NOL12: variants seen among roughly 807,000 people sequenced by gnomAD.
NOL12 encodes nucleolar protein 12.
NOL12 carries 21 observed loss-of-function variants against 25.2 expected under a neutral mutation model. That is an observed-to-expected ratio of 0.83 (90% CI 0.59 to 1.20). The LOEUF (loss-of-function observed/expected upper bound fraction) is 1.20, where lower values mean the gene tolerates loss of function less well. Among genes scored for constraint, NOL12 ranks in the 50% most tolerant of loss-of-function variants. NOL12 has a pLI of 0.00. For missense variants in NOL12, 286 were observed against 287.6 expected (o/e 0.99, Z 0.04); for synonymous variants, 133 against 113.8 (o/e 1.17, Z -1.08).
intron 1 of NOL12, 58 bp from the exon 2 acceptor site, chr22:37,687,852 C>A: frequency 1.5e-6 from 2 of 1,338,552 alleles, no homozygotes; most frequent in Non-Finnish European, 1.0e-6. Flanking sequence ...TCTCCTAGAG[C>A]GAGCCCTTCT....
chr22:37,687,534 T>C (rs1921875266), intron 1 of NOL12, among the ~76,000 whole-genome samples: 1 of 152,124 alleles, frequency 6.6e-6, no homozygotes, highest in Non-Finnish European at 1.5e-5. Context: ...CTCGGCTCAC[T>C]GCAACCTCCG....
chr22:37,686,795 G>A, intron 1 of NOL12: 1 of 985,444 alleles, frequency 1.0e-6, no homozygotes, highest in Non-Finnish European at 1.2e-6. Context: ...AGCCGTGGTT[G>A]ATAAATGATG....
chr22:37,692,672 C>T lies in NOL12; in HGVS notation c.*1336C>T, dbSNP rs148878110. 4.3e-5 allele frequency: 17 copies of T among 398,902 alleles called. No individual in the cohort carries two copies. Among genetic ancestry groups the T allele is most frequent in the Non-Finnish European group, 6.6e-5 (15 of 226,288 alleles). The allele number at this position is 398,902 out of a possible 1,614,324, so 24.7% of individuals were successfully genotyped here. On this transcript the variant is annotated 3_prime_UTR_variant, in exon 6 of 6. Transcript: ENST00000359114. The stretch of plus-strand genomic sequence containing the variant: ...ATGGAGTCAGGATGACAGGACAGTG[C>T]GGTGAGGGGCATCTGCGACAGGACT...
chr22:37,689,097 G>A, intron 4 of NOL12, 105 bp downstream of exon 4: 1 of 1,364,524 alleles, frequency 7.3e-7, no homozygotes, highest in Non-Finnish European at 1.0e-6. Flanking sequence ...TGCCAGCCCT[G>A]GGAAGAAGGG....
chr22:37,690,747 A>G lies in NOL12; in HGVS notation c.432A>G (p.Pro144=). 1 of 1,613,968 alleles carries G rather than the reference A, an allele frequency of 6.2e-7. No individual in the cohort carries two copies. The highest frequency in any genetic ancestry group is 8.5e-7 in the Non-Finnish European group (1 of 1,179,924). ...AGGAGGCGTCATCCACGGAGAAACC[A>G]ACCAAAGCCTTGCCCAGGAAGTCCA... ...SEEEASSTEK[P]TKALPRKSRD... The change falls in exon 5 of 6, where the codon CCA becomes CCG. Residue 144 remains proline, a synonymous_variant. Transcript: ENST00000359114.
At position 37,691,481 on chromosome 22, in the gene NOL12, C is replaced by G. The variant is rs1209571385; in HGVS notation, c.*145C>G. ...CAGGACCTCTCTGGCCTGGGGCCAG[C>G]TGCCTTTGCCTGGGGTCAGCTGCCT... is the stretch of plus-strand genomic sequence containing the variant. On this transcript the variant is annotated 3_prime_UTR_variant, in exon 6 of 6. Coordinates refer to ENST00000359114, the MANE Select transcript of NOL12 (RefSeq NM_024313.3). 1 of 362,406 alleles carries G rather than the reference C, an allele frequency of 2.8e-6. No individual in the cohort carries two copies. The highest frequency in any genetic ancestry group is 3.7e-6 in the Non-Finnish European group (1 of 271,658). The allele number at this position is 362,406 out of a possible 1,614,324, so 22.4% of individuals were successfully genotyped here.
intron 4 of NOL12, 37 bp from the exon 5 acceptor site, chr22:37,690,660 A>G (rs1199472469): frequency 5.9e-6 from 9 of 1,520,628 alleles, no homozygotes; most frequent in South Asian, 4.6e-5. Flanking sequence ...CCCCCCAGCT[A>G]CTGCTCCATG....
Position 37,691,976 on chromosome 22 carries a change from T to C in NOL12, c.*640T>C, listed in dbSNP as rs148781622. ...GTGGAAGCAGTTGAGTGCCAGGTCA[T>C]CCCCCATCACCACACTGGGGCAGCG... On this transcript the variant is annotated 3_prime_UTR_variant, in exon 6 of 6. Transcript: ENST00000359114. 1.1e-3 allele frequency: 171 copies of C among 152,550 alleles called. No homozygotes were observed. Among genetic ancestry groups the C allele is most frequent in the African/African-American group, 4.0e-3 (166 of 41,562 alleles). 9.4% of individuals were successfully genotyped at this position (152,550 alleles called of 1,614,324 possible).
At position 37,692,469 on chromosome 22, in the gene NOL12, T is replaced by A; in HGVS notation, c.*1133T>A. On this transcript the variant is annotated 3_prime_UTR_variant, in exon 6 of 6. Coordinates refer to ENST00000359114, the MANE Select transcript of NOL12 (RefSeq NM_024313.3). The stretch of plus-strand genomic sequence containing the variant: ...TCCACAAGGGGCCATGTCTTCACAC[T>A]CCTTCCAGATGGATGAGTTGATGGA... The A allele has an allele frequency of 2.5e-6, 1 of 398,662 alleles. No individual in the cohort carries two copies. Among genetic ancestry groups the A allele is most frequent in the Non-Finnish European group, 4.4e-6 (1 of 226,100 alleles). The allele number at this position is 398,662 out of a possible 1,614,324, so 24.7% of individuals were successfully genotyped here.
In NOL12 at chr22:37,688,843, C is replaced by T; in HGVS notation, c.239-7C>T. On this transcript the variant is annotated splice_polypyrimidine_tract_variant and splice_region_variant and intron_variant, in intron 3 of 5. Coordinates refer to ENST00000359114, the MANE Select transcript of NOL12 (RefSeq NM_024313.3). ...GACTGAGACCAGGTCTGTGTCCACC[C>T]CCACAGAGGAGGCAGATGAGCTGGA... 6.2e-7 allele frequency: 1 copy of T among 1,613,838 alleles called. No individual in the cohort carries two copies. The highest frequency in any genetic ancestry group is 1.1e-5 in the South Asian group (1 of 91,066).
At chr22:37,687,018 T>G (rs1253715567) in intron 1 of NOL12, 9 of 985,210 alleles carry the variant, frequency 9.1e-6, no homozygotes, top group Non-Finnish European at 1.1e-5. Context: ...ACTGTGGAGA[T>G]GAGAAGGGGC....
At position 37,691,476 on chromosome 22, in the gene NOL12, GCCAGCTGCCTTTGCCTGGGGT is replaced by G; in HGVS notation, c.*142_*162del. 1 of 858,914 alleles carries G rather than the reference GCCAGCTGCCTTTGCCTGGGGT, an allele frequency of 1.2e-6. No individual in the cohort carries two copies. The highest frequency in any genetic ancestry group is 1.6e-6 in the Non-Finnish European group (1 of 618,110). The allele number at this position is 858,914 out of a possible 1,614,324, so 53.2% of individuals were successfully genotyped here. A position where few individuals can be genotyped will look rare whatever the true frequency, so the allele number is the denominator to read the frequency against. ...GAAGCCAGGACCTCTCTGGCCTGGG[GCCAGCTGCCTTTGCCTGGGGT>G]CAGCTGCCTTTGCCTGGGGTTTGAA... On this transcript the variant is annotated 3_prime_UTR_variant, in exon 6 of 6. Transcript: ENST00000359114.
intron 1 of NOL12, 125 bp downstream of exon 1, chr22:37,686,600 C>T: frequency 7.2e-6 from 10 of 1,380,370 alleles, no homozygotes; most frequent in East Asian, 3.1e-5. Flanking sequence ...CTAGAGAACC[C>T]CTCTCGGCCT....
chr22:37,686,373 A>G lies in NOL12; in HGVS notation c.-20A>G. The G allele has an allele frequency of 6.3e-7, 1 of 1,583,820 alleles. No individual in the cohort carries two copies. Among genetic ancestry groups the G allele is most frequent in the Non-Finnish European group, 8.6e-7 (1 of 1,168,440 alleles). ...ACCCGGAAGTGTCTTCAGGGAGAGG[A>G]AGCCGGCGGCCTCACTGCTATGGGC... On this transcript the variant is annotated 5_prime_UTR_variant, in exon 1 of 6. Coordinates refer to ENST00000359114, the MANE Select transcript of NOL12 (RefSeq NM_024313.3).
intron 3 of NOL12, 68 bp downstream of exon 3, chr22:37,688,428 A>G: frequency 6.5e-7 from 1 of 1,538,752 alleles, no homozygotes; most frequent in African/African-American, 1.4e-5. Flanking sequence ...TGGTGGGTGG[A>G]AGGGATAGAA....
rs1449635591 is a variant in NOL12 at position 37,689,112 on chromosome 22, G to A, written c.381+120G>A. 3 of 1,249,864 alleles carry A rather than the reference G, an allele frequency of 2.4e-6. No homozygotes were observed. The East Asian group carries it at 7.0e-5, about 29-fold the overall frequency. The allele number at this position is 1,249,864 out of a possible 1,614,324, so 77.4% of individuals were successfully genotyped here. A position where few individuals can be genotyped will look rare whatever the true frequency, so the allele number is the denominator to read the frequency against. ...TGCCAGCCCTGGGAAGAAGGGGCGT[G>A]GGGGCAGACTGGCTTGTCGGGGTTG... On this transcript the variant is annotated intron_variant, in intron 4 of 5. Transcript: ENST00000359114.
Position 37,688,007 on chromosome 22 carries a change from C to A in NOL12, c.181C>A (p.Arg61=). Residue 61 remains arginine, a synonymous_variant, in exon 2 of 6, where the codon CGG becomes AGG. Coordinates refer to ENST00000359114, the MANE Select transcript of NOL12 (RefSeq NM_024313.3). ...GCTGAAAGAGGAGCAGAGGAAGCTTCGGGAGGAGGTACGCAGGGGGAAGGT... is the reference window on the plus strand; with the variant it reads ...GCTGAAAGAGGAGCAGAGGAAGCTTAGGGAGGAGGTACGCAGGGGGAAGGT... ...QRLKEEQRKL[R]EERHQEYLKM... The A allele has an allele frequency of 7.7e-7, 1 of 1,296,102 alleles. No homozygotes were observed. Among genetic ancestry groups the A allele is most frequent in the South Asian group, 1.2e-5 (1 of 80,118 alleles). The allele number at this position is 1,296,102 out of a possible 1,614,324, so 80.3% of individuals were successfully genotyped here.
chr22:37,688,710 C>T, intron 3 of NOL12, 140 bp from the exon 4 acceptor site: 1 of 798,110 alleles, frequency 1.3e-6, no homozygotes, highest in Non-Finnish European at 2.1e-6. Flanking sequence ...ATCCACAGAC[C>T]AGGCTCTACA....
chr22:37,688,854 G>A lies in NOL12; in HGVS notation c.243G>A (p.Glu81=), dbSNP rs774172296. 26 of 1,613,922 alleles carry A rather than the reference G, an allele frequency of 1.6e-5. No individual in the cohort carries two copies. The East Asian group carries it at 5.3e-4, about 33-fold the overall frequency. Residue 81 remains glutamate (E), a synonymous_variant, in exon 4 of 6, where the codon GAG becomes GAA. Coordinates refer to ENST00000359114, the MANE Select transcript of NOL12 (RefSeq NM_024313.3). ...GGTCTGTGTCCACCCCCACAGAGGA[G>A]GCAGATGAGCTGGACCGGTTGGTGA... ...MLAEREEALE[E]ADELDRLVTA... is the part of the protein sequence containing the mutation.
Sources: gnomAD v4.1 joint callset for allele counts (sites outside exome capture counted in the v4.1 genomes callset) on GRCh38, gnomAD v4.1.1 for gene constraint, MANE v1.5 for transcripts, NCBI Gene and HGNC (gene_info 2026-07-23, HGNC 2026-07-21) for gene names.